The following ELOVL7 variants were observed in gnomAD, a reference collection of about 807,000 sequenced individuals.
The protein encoded by ELOVL7 is ELOVL fatty acid elongase 7.
ELOVL7 carries 27 observed loss-of-function variants against 35.7 expected under a neutral mutation model. The ratio of observed to expected loss-of-function variants is 0.76; its 90% confidence interval spans 0.56 to 1.04. The LOEUF (loss-of-function observed/expected upper bound fraction) is 1.04, where lower values mean the gene tolerates loss of function less well. Among genes scored for constraint, ELOVL7 ranks in the 50% least tolerant of loss-of-function variants. The probability of loss-of-function intolerance (pLI) is 0.00; values close to 1 mark genes in which losing one functional copy is unlikely to be tolerated. For synonymous variants in ELOVL7, 113 were observed against 114.6 expected, an observed-to-expected ratio of 0.99 and a Z score of 0.09; for missense variants, 327 against 340.8, an observed-to-expected ratio of 0.96 and a Z score of 0.32.
intron 8 of ELOVL7, among the ~76,000 whole-genome samples, chr5:60,757,116 G>A (rs1397090640): frequency 6.6e-6 from 1 of 151,992 alleles, no homozygotes; most frequent in Non-Finnish European, 1.5e-5. Context: ...GGACTATATA[G>A]GTAAGCACAC....
At chr5:60,826,245 C>T (rs1294026875) in intron 1 of ELOVL7, among the ~76,000 whole-genome samples, 2 of 152,098 alleles carry the variant, frequency 1.3e-5, no homozygotes, top group Non-Finnish European at 2.9e-5. Context: ...TTTATGAGTA[C>T]AGTTCATTTA....
At chr5:60,799,039 A>G (rs923017200) in intron 2 of ELOVL7, 141 bp downstream of exon 2, 5 of 152,150 alleles carry the variant, frequency 3.3e-5, no homozygotes, top group African/African-American at 1.2e-4. Flanking sequence ...GAAACTACAA[A>G]TCAATAACAG....
Position 60,809,800 on chromosome 5 carries a change from C to T in ELOVL7, c.-85-10570G>A, listed in dbSNP as rs75156603. Among the ~76,000 whole-genome samples, 833 of 152,230 alleles carry T rather than the reference C, an allele frequency of 5.5e-3. 5 individuals carry two copies. The highest frequency in any genetic ancestry group is 0.018 in the African/African-American group (764 of 41,546). ...TCACATTGGAGGAGAAGCAAACAGA[C>T]TAACAATCCTAATTTTTTTTTCTCC... On this transcript the variant is annotated intron_variant, in intron 1 of 8. Coordinates refer to ENST00000508821, the MANE Select transcript of ELOVL7 (RefSeq NM_024930.3).
At chr5:60,766,535 A>G (rs1197160737) in intron 6 of ELOVL7, 39 bp downstream of exon 6, 2 of 1,505,990 alleles carry the variant, frequency 1.3e-6, no homozygotes, top group Non-Finnish European at 9.1e-7. Flanking sequence ...CAAACATTTA[A>G]GATCAAACAT....
At chr5:60,785,175 C>G (rs1432458904) in intron 3 of ELOVL7, among the ~76,000 whole-genome samples, 1 of 152,108 alleles carries the variant, frequency 6.6e-6, no homozygotes, top group African/African-American at 2.4e-5. Context: ...TTCAAATGAG[C>G]ATAACTTCAA....
intron 1 of ELOVL7, among the ~76,000 whole-genome samples, chr5:60,830,316 T>C (rs1746406816): frequency 1.3e-5 from 2 of 152,000 alleles, no homozygotes; most frequent in South Asian, 2.1e-4. Flanking sequence ...ATAAGACAAA[T>C]AGTGGCAAAA....
At chr5:60,777,032 ATG>A (rs1309398871) in intron 3 of ELOVL7, among the ~76,000 whole-genome samples, 1 of 147,660 alleles carries the variant, frequency 6.8e-6, no homozygotes, top group Non-Finnish European at 1.5e-5. Flanking sequence ...TATATGTGGG[ATG>A]TAAGAATCAA....
chr5:60,817,947 T>G (rs1250470775), intron 1 of ELOVL7, among the ~76,000 whole-genome samples: 1 of 151,480 alleles, frequency 6.6e-6, no homozygotes. Flanking sequence ...ACAATCCAAA[T>G]GTCCACCAAT....
chr5:60,783,799 T>C (rs1359393178), intron 3 of ELOVL7, among the ~76,000 whole-genome samples: 1 of 152,186 alleles, frequency 6.6e-6, no homozygotes, highest in Admixed American at 6.5e-5. Context: ...GAAACTTGAA[T>C]GTTCCCTGTA....
At chr5:60,795,598 G>C (rs1228951532) in intron 2 of ELOVL7, among the ~76,000 whole-genome samples, 1 of 152,168 alleles carries the variant, frequency 6.6e-6, no homozygotes, top group Non-Finnish European at 1.5e-5. Context: ...TCTGGCTCAA[G>C]CTGAACTTTC....
At chr5:60,817,429 T>C (rs1745575683) in intron 1 of ELOVL7, among the ~76,000 whole-genome samples, 1 of 151,472 alleles carries the variant, frequency 6.6e-6, no homozygotes, top group South Asian at 2.1e-4. Context: ...GACCATAAAG[T>C]CTGATAACAC....
chr5:60,812,917 T>C (rs1745314947), intron 1 of ELOVL7, among the ~76,000 whole-genome samples: 1 of 152,186 alleles, frequency 6.6e-6, no homozygotes, highest in Non-Finnish European at 1.5e-5. Context: ...CTGAAGGATT[T>C]CTCCCTTCAA....
chr5:60,778,568 G>A (rs1256041664), intron 3 of ELOVL7, among the ~76,000 whole-genome samples: 5 of 152,140 alleles, frequency 3.3e-5, no homozygotes, highest in Admixed American at 6.6e-5. Flanking sequence ...CAGCTCTTGT[G>A]AGAAACAATC....
At chr5:60,780,310 G>A (rs936273279) in intron 3 of ELOVL7, among the ~76,000 whole-genome samples, 2 of 151,850 alleles carry the variant, frequency 1.3e-5, no homozygotes, top group African/African-American at 4.8e-5. Flanking sequence ...AGTAGAGATG[G>A]GGTTTCTCTA....
intron 8 of ELOVL7, among the ~76,000 whole-genome samples, chr5:60,756,339 T>C (rs1353176051): frequency 2.0e-5 from 3 of 152,124 alleles, no homozygotes. Flanking sequence ...GAAAACCAAA[T>C]AAAAATATCA....
intron 6 of ELOVL7, among the ~76,000 whole-genome samples, chr5:60,765,519 G>A (rs1206474868): frequency 6.6e-6 from 1 of 152,076 alleles, no homozygotes; most frequent in Non-Finnish European, 1.5e-5. Flanking sequence ...GCACAATGTG[G>A]GCTGGAACCA....
intron 1 of ELOVL7, among the ~76,000 whole-genome samples, chr5:60,807,123 C>T (rs891972227): frequency 6.6e-6 from 1 of 152,082 alleles, no homozygotes; most frequent in Non-Finnish European, 1.5e-5. Context: ...CAAGTAACCT[C>T]ACATCGGAGG....
chr5:60,760,490 GTTTTC>G (rs1480129695), intron 7 of ELOVL7, among the ~76,000 whole-genome samples: 2 of 152,060 alleles, frequency 1.3e-5, no homozygotes, highest in African/African-American at 2.4e-5. Context: ...GGGGTTGTTT[GTTTTC>G]TTCTTGTAAA....
chr5:60,834,147 A>AT (rs890643251), intron 1 of ELOVL7, among the ~76,000 whole-genome samples: 110 of 146,990 alleles, frequency 7.5e-4, no homozygotes, highest in East Asian at 3.0e-3. Context: ...GGTTCACATT[A>AT]TTTTTTTTTT....
Sources: gnomAD v4.1 joint callset for allele counts (sites outside exome capture counted in the v4.1 genomes callset) on GRCh38, gnomAD v4.1.1 for gene constraint, MANE v1.5 for transcripts, NCBI Gene and HGNC (gene_info 2026-07-23, HGNC 2026-07-21) for gene names.